DMD: variants seen among roughly 807,000 people sequenced by gnomAD.
DMD encodes mutant dystrophin.
A neutral mutation model predicts 330.1 loss-of-function variants in DMD; 63 were observed. That is an observed-to-expected ratio of 0.19 (90% CI 0.16 to 0.24). The LOEUF is 0.24. Among genes scored for constraint, DMD ranks in the 10% least tolerant of loss-of-function variants. The probability of loss-of-function intolerance (pLI) is 1.00; values close to 1 mark genes in which losing one functional copy is unlikely to be tolerated. For missense variants in DMD, 3,344 were observed against 2,684.1 expected, an observed-to-expected ratio of 1.25 and a Z score of -5.43; for synonymous variants, 1,223 against 959.8, an observed-to-expected ratio of 1.27 and a Z score of -5.07.
intron 9 of DMD, among the ~76,000 whole-genome samples, chrX:32,692,867 G>A (rs909897083): frequency 1.1e-4 from 12 of 111,434 alleles, no homozygotes; most frequent in South Asian, 3.8e-4. Context: ...ATTGGTTGCC[G>A]GGTTTTGAGA....
At chrX:31,709,792 T>C (rs1269564345) in intron 52 of DMD, among the ~76,000 whole-genome samples, 3 of 111,606 alleles carry the variant, frequency 2.7e-5, no homozygotes, top group Non-Finnish European at 5.6e-5. Context: ...ATGTTTCTAT[T>C]ATATATGTCT....
chrX:33,210,231 C>CT (rs778436040), intron 1 of DMD, among the ~76,000 whole-genome samples: 1,658 of 107,553 alleles, frequency 0.015, 33 homozygotes, highest in African/African-American at 0.051. Context: ...AAACTTCTGC[C>CT]TTTTTTTTTA....
intron 44 of DMD, among the ~76,000 whole-genome samples, chrX:31,973,102 T>G (rs1171585753): frequency 9.0e-6 from 1 of 110,816 alleles, no homozygotes; most frequent in Non-Finnish European, 1.9e-5. Flanking sequence ...AATGCACAAA[T>G]ACTCAAGGCA....
intron 11 of DMD, among the ~76,000 whole-genome samples, chrX:32,633,508 C>T (rs1162587524): frequency 8.9e-6 from 1 of 112,033 alleles, no homozygotes; most frequent in Non-Finnish European, 1.9e-5. Context: ...CCAAACTCAT[C>T]CAACTTCTGT....
chrX:31,373,775 C>G (rs1472703873), intron 60 of DMD, among the ~76,000 whole-genome samples: 1 of 110,600 alleles, frequency 9.0e-6, no homozygotes, highest in African/African-American at 3.3e-5. Context: ...GACTTCATGT[C>G]TACAACACCA....
intron 59 of DMD, among the ~76,000 whole-genome samples, chrX:31,474,757 A>AAAAT (rs1569545825): frequency 0.016 from 1,548 of 96,285 alleles, 36 homozygotes; most frequent in East Asian, 0.075. Context: ...TAAAATAAAA[A>AAAAT]AAGAGAAACC....
At chrX:32,841,700 G>T (rs1016915813) in intron 4 of DMD, among the ~76,000 whole-genome samples, 1 of 111,684 alleles carries the variant, frequency 9.0e-6, no homozygotes, top group African/African-American at 3.3e-5. Flanking sequence ...TCAATTTCAG[G>T]TAAAACAGAT....
rs564292785 is a variant in DMD at position 32,476,970 on chromosome X, C to T, written c.2804-4661G>A. Among the ~76,000 whole-genome samples, 12 of 111,441 alleles carry T rather than the reference C, an allele frequency of 1.1e-4. No homozygotes were observed. In the South Asian group the frequency reaches 4.2e-3, roughly 39 times the overall value. The stretch of plus-strand genomic sequence containing the variant: ...CATATCCAATCTAATAACCTACCAT[C>T]TTAAAAGACCTCGAGAGTTCTACTG... On this transcript the variant is annotated intron_variant, in intron 21 of 78. Coordinates refer to ENST00000357033, the MANE Select transcript of DMD (RefSeq NM_004006.3).
At chrX:33,321,308 C>G (rs181246553) in intron 1 of DMD, among the ~76,000 whole-genome samples, 24 of 111,367 alleles carry the variant, frequency 2.2e-4, no homozygotes, top group African/African-American at 7.8e-4. Context: ...TACTCTTTGA[C>G]CCATGGGCTA....
intron 67 of DMD, among the ~76,000 whole-genome samples, chrX:31,201,124 G>A (rs1490590194): frequency 9.3e-6 from 1 of 107,826 alleles, no homozygotes; most frequent in Non-Finnish European, 1.9e-5. Context: ...CCAAGAGCTC[G>A]AGACCAGCCT....
intron 45 of DMD, among the ~76,000 whole-genome samples, chrX:31,951,912 C>T (rs181256928): frequency 1.4e-4 from 16 of 111,251 alleles, no homozygotes; most frequent in African/African-American, 5.2e-4. Flanking sequence ...GAAATATTCT[C>T]ATTCTCAACT....
intron 25 of DMD, among the ~76,000 whole-genome samples, chrX:32,463,122 T>A (rs1467197111): frequency 8.9e-6 from 1 of 111,994 alleles, no homozygotes; most frequent in East Asian, 2.8e-4. Context: ...TTAATCCCAT[T>A]ATTATTATAC....
intron 57 of DMD, among the ~76,000 whole-genome samples, chrX:31,494,881 G>C (rs1297966359): frequency 9.0e-6 from 1 of 111,433 alleles, no homozygotes; most frequent in Non-Finnish European, 1.9e-5. Flanking sequence ...CATTTTCTTT[G>C]GTTTCTGGAA....
intron 37 of DMD, among the ~76,000 whole-genome samples, chrX:32,360,317 A>G: frequency 8.9e-6 from 1 of 112,128 alleles, no homozygotes; most frequent in East Asian, 2.8e-4. Flanking sequence ...ATATATAAGC[A>G]AAGTGTCAGA....
At chrX:33,300,708 C>T (rs1358729455) in intron 1 of DMD, among the ~76,000 whole-genome samples, 3 of 111,287 alleles carry the variant, frequency 2.7e-5, no homozygotes, top group Non-Finnish European at 3.8e-5. Flanking sequence ...TGAACTTCCC[C>T]GCCTCCATAA....
At chrX:32,970,857 C>A (rs1250025684) in intron 2 of DMD, among the ~76,000 whole-genome samples, 1 of 94,061 alleles carries the variant, frequency 1.1e-5, no homozygotes, top group Admixed American at 1.1e-4. Context: ...TAAACAATTG[C>A]TAAAATATTT....
At position 31,300,664 on chromosome X, in the gene DMD, A is replaced by G. The variant is rs751949519; in HGVS notation, c.9224+22934T>C. Among the ~76,000 whole-genome samples, 12 of 112,140 alleles carry G rather than the reference A, an allele frequency of 1.1e-4. 1 individual carries two copies. In the South Asian group the frequency reaches 4.7e-3, roughly 44 times the overall value. Reference sequence around the variant, plus strand: ...TTGTATTTTATCAGCAGATTTTAAAAAACTGGAAGAAGACATTACCAACAT... The same window carrying G: ...TTGTATTTTATCAGCAGATTTTAAAGAACTGGAAGAAGACATTACCAACAT... On this transcript the variant is annotated intron_variant, in intron 62 of 78. Coordinates refer to ENST00000357033, the MANE Select transcript of DMD (RefSeq NM_004006.3).
chrX:32,654,031 CA>C (rs1381856859), intron 9 of DMD, among the ~76,000 whole-genome samples: 6 of 112,129 alleles, frequency 5.4e-5, no homozygotes, highest in African/African-American at 1.9e-4. Context: ...AGTTGCTTAT[CA>C]GCTTAAGTAG....
Position 31,191,598 on chromosome X carries a change from C to CT in DMD, c.9808-8695dup, listed in dbSNP as rs200409279. On this transcript the variant is annotated intron_variant, in intron 67 of 78. Coordinates refer to ENST00000357033, the MANE Select transcript of DMD (RefSeq NM_004006.3). The stretch of plus-strand genomic sequence containing the variant: ...AAACGGGAGTTTCTCTGCACAAGCT[C>CT]TTTTTTTGCCTGCTGCCATCCAGGT... Among the ~76,000 whole-genome samples, 734 of 111,466 alleles carry CT rather than the reference C, an allele frequency of 6.6e-3. 3 individuals carry two copies. The highest frequency in any genetic ancestry group is 9.3e-3 in the South Asian group (24 of 2,591).
Sources: gnomAD v4.1 joint callset for allele counts (sites outside exome capture counted in the v4.1 genomes callset) on GRCh38, gnomAD v4.1.1 for gene constraint, MANE v1.5 for transcripts, NCBI Gene and HGNC (gene_info 2026-07-23, HGNC 2026-07-21) for gene names.